Variants in TMOD1 observed in about 807,000 individuals in gnomAD.
The protein encoded by TMOD1 is tropomodulin 1, also known as tropomodulin-1.
A neutral mutation model predicts 40.6 loss-of-function variants in TMOD1; 17 were observed. The ratio of observed to expected loss-of-function variants is 0.42; its 90% confidence interval spans 0.29 to 0.63. The LOEUF is 0.63. Among genes scored for constraint, TMOD1 ranks in the 20% least tolerant of loss-of-function variants. The pLI is 0.22. For missense variants in TMOD1, 391 were observed against 447.6 expected (o/e 0.87, Z 1.14); for synonymous variants, 181 against 175.0 (o/e 1.03, Z -0.27).
intron 7 of TMOD1, 49 bp downstream of exon 7, chr9:97,566,004 G>T: frequency 2.0e-6 from 3 of 1,528,230 alleles, no homozygotes; most frequent in South Asian, 1.1e-5. Context: ...CCTTGAAACA[G>T]AAGGGTTGAA....
intron 2 of TMOD1, among the ~76,000 whole-genome samples, chr9:97,527,804 C>T (rs1333788550): frequency 6.6e-6 from 1 of 152,186 alleles, no homozygotes; most frequent in East Asian, 1.9e-4. Context: ...GTGGGAGGCG[C>T]TCCCGCGGGG....
intron 9 of TMOD1, among the ~76,000 whole-genome samples, chr9:97,598,374 T>C (rs1221639463): frequency 6.6e-6 from 1 of 150,802 alleles, no homozygotes; most frequent in African/African-American, 2.4e-5. Flanking sequence ...TGGTACTAGC[T>C]TTATTGCTTT....
chr9:97,538,565 A>C (rs1021633331), intron 2 of TMOD1, among the ~76,000 whole-genome samples: 2 of 152,198 alleles, frequency 1.3e-5, no homozygotes, highest in Non-Finnish European at 2.9e-5. Flanking sequence ...AATTTCCCAC[A>C]GGCACCATGA....
At chr9:97,596,713 A>G (rs1826119893) in intron 9 of TMOD1, among the ~76,000 whole-genome samples, 1 of 152,206 alleles carries the variant, frequency 6.6e-6, no homozygotes, top group Non-Finnish European at 1.5e-5. Flanking sequence ...CTACCATTCC[A>G]GGTAGCCTGA....
intron 8 of TMOD1, among the ~76,000 whole-genome samples, chr9:97,587,889 G>A (rs1168255318): frequency 6.6e-6 from 1 of 152,076 alleles, no homozygotes; most frequent in Non-Finnish European, 1.5e-5. Flanking sequence ...TTAGCATAAT[G>A]TTTTCCAGGG....
chr9:97,601,066 G>C lies in TMOD1; in HGVS notation c.*1368G>C. On this transcript the variant is annotated 3_prime_UTR_variant, in exon 10 of 10. Coordinates refer to ENST00000259365, the MANE Select transcript of TMOD1 (RefSeq NM_003275.4). The stretch of plus-strand genomic sequence containing the variant: ...GAACTGTAAGGCAGTGGGCAGTACA[G>C]GGTAACTGGAGGCGGGGCCAGGGCC... 7.7e-7 allele frequency: 1 copy of C among 1,304,278 alleles called. No individual in the cohort carries two copies. The highest frequency in any genetic ancestry group is 1.2e-5 in the South Asian group (1 of 81,012). The allele number at this position is 1,304,278 out of a possible 1,614,324, so 80.8% of individuals were successfully genotyped here. A position where few individuals can be genotyped will look rare whatever the true frequency, so the allele number is the denominator to read the frequency against.
chr9:97,510,972 C>G (rs1829686485), intron 1 of TMOD1, among the ~76,000 whole-genome samples: 1 of 152,076 alleles, frequency 6.6e-6, no homozygotes, highest in African/African-American at 2.4e-5. Flanking sequence ...TCTTCAGACT[C>G]TTTTCCTGGA....
chr9:97,546,257 G>C lies in TMOD1; in HGVS notation c.193G>C (p.Glu65Gln). 2 of 1,614,126 alleles carry C rather than the reference G, an allele frequency of 1.2e-6. No homozygotes were observed. The highest frequency in any genetic ancestry group is 2.2e-5 in the South Asian group (2 of 91,066). Residue 65 changes from glutamate (E) to glutamine (Q), a missense_variant, in exon 3 of 10, where the codon GAG (glutamate) becomes CAG (glutamine). Glu to Gln is a conservative substitution (Grantham distance 29). Coordinates refer to ENST00000259365, the MANE Select transcript of TMOD1 (RefSeq NM_003275.4). ...TKAPTGPFKR[E>Q]ELLDHLEKQA... Reference sequence around the variant, plus strand: ...GGCGCCCACGGGCCCCTTTAAAAGAGAGGAGCTCTTGGATCACTTGGAAAA... The same window carrying C: ...GGCGCCCACGGGCCCCTTTAAAAGACAGGAGCTCTTGGATCACTTGGAAAA...
chr9:97,588,594 GAA>G (rs1214033283), intron 8 of TMOD1, among the ~76,000 whole-genome samples: 2 of 152,128 alleles, frequency 1.3e-5, no homozygotes, highest in African/African-American at 4.8e-5. Context: ...AAATTTTGAT[GAA>G]GTGTAACATC....
intron 9 of TMOD1, among the ~76,000 whole-genome samples, chr9:97,597,011 C>G (rs1769283517): frequency 6.6e-6 from 1 of 152,348 alleles, no homozygotes; most frequent in Middle Eastern, 3.4e-3. Context: ...ACACAGCACT[C>G]AGTACATGCT....
intron 3 of TMOD1, among the ~76,000 whole-genome samples, chr9:97,547,784 C>A (rs1053809495): frequency 6.6e-6 from 1 of 152,148 alleles, no homozygotes; most frequent in African/African-American, 2.4e-5. Flanking sequence ...ATCTTATCAG[C>A]ATCTCTTTAT....
chr9:97,520,620 C>T (rs1018492524), intron 1 of TMOD1, among the ~76,000 whole-genome samples: 1 of 152,208 alleles, frequency 6.6e-6, no homozygotes, highest in Non-Finnish European at 1.5e-5. Flanking sequence ...CTCATCACTC[C>T]ATAATATTCA....
intron 3 of TMOD1, among the ~76,000 whole-genome samples, chr9:97,546,951 A>AAG (rs1830370586): frequency 6.6e-6 from 1 of 151,256 alleles, no homozygotes; most frequent in Non-Finnish European, 1.5e-5. Context: ...AAAAAAAAAA[A>AAG]AGACATCAGG....
At chr9:97,533,787 T>C (rs1468137191) in intron 2 of TMOD1, among the ~76,000 whole-genome samples, 1 of 152,170 alleles carries the variant, frequency 6.6e-6, no homozygotes, top group Admixed American at 6.5e-5. Context: ...ACCCAGGTTA[T>C]CAGGTAGGGT....
chr9:97,561,115 C>A (rs1442881935), intron 4 of TMOD1, among the ~76,000 whole-genome samples: 1 of 152,232 alleles, frequency 6.6e-6, no homozygotes, highest in African/African-American at 2.4e-5. Context: ...ATCTGGACAG[C>A]TGCAACAGCC....
chr9:97,600,371 C>T lies in TMOD1; in HGVS notation c.*673C>T. 1 of 985,998 alleles carries T rather than the reference C, an allele frequency of 1.0e-6. No individual in the cohort carries two copies. The highest frequency in any genetic ancestry group is 1.2e-6 in the Non-Finnish European group (1 of 830,172). 61.1% of individuals were successfully genotyped at this position (985,998 alleles called of 1,614,324 possible). ...GTTTCAAAAACCAACCTTTCATTACCAATCCCAGGCAACAAACATGTCCCT... is the reference window on the plus strand; with the variant it reads ...GTTTCAAAAACCAACCTTTCATTACTAATCCCAGGCAACAAACATGTCCCT... On this transcript the variant is annotated 3_prime_UTR_variant, in exon 10 of 10. Coordinates refer to ENST00000259365, the MANE Select transcript of TMOD1 (RefSeq NM_003275.4).
chr9:97,584,196 C>T (rs184704522), intron 8 of TMOD1, among the ~76,000 whole-genome samples: 3 of 152,096 alleles, frequency 2.0e-5, no homozygotes, highest in Non-Finnish European at 4.4e-5. Flanking sequence ...ATTCTGGTAT[C>T]TTGTGTCTTT....
intron 1 of TMOD1, among the ~76,000 whole-genome samples, chr9:97,504,893 GCCAGAACA>G (rs1347973134): frequency 2.0e-5 from 3 of 152,122 alleles, no homozygotes. Context: ...TTCCCTTAAA[GCCAGAACA>G]CCAGATAAAT....
intron 4 of TMOD1, among the ~76,000 whole-genome samples, chr9:97,561,173 C>T (rs115511715): frequency 0.027 from 4,080 of 152,308 alleles, 192 homozygotes; most frequent in African/African-American, 0.093. Flanking sequence ...AGTGAGTTCT[C>T]AACACAATAA....
Sources: gnomAD v4.1 joint callset for allele counts (sites outside exome capture counted in the v4.1 genomes callset) on GRCh38, gnomAD v4.1.1 for gene constraint, MANE v1.5 for transcripts, NCBI Gene and HGNC (gene_info 2026-07-23, HGNC 2026-07-21) for gene names.